MAST4: variants seen among roughly 807,000 people sequenced by gnomAD.
MAST4 encodes microtubule-associated serine/threonine-protein kinase 4.
In MAST4, 89 loss-of-function variants were observed where a neutral mutation model predicts 162.7. The ratio of observed to expected loss-of-function variants is 0.55; its 90% CI spans 0.46 to 0.65. MAST4 has a LOEUF of 0.65. Ranked by LOEUF, MAST4 falls within the 30% of genes least tolerant of loss-of-function variation. MAST4 has a pLI of 0.00. For missense variants in MAST4, 3,153 were observed against 3,374.0 expected (o/e 0.93, Z 1.62); for synonymous variants, 1,479 against 1,361.1 (o/e 1.09, Z -1.91).
At chr5:66,603,378 C>G (rs1742674367) in intron 1 of MAST4, among the ~76,000 whole-genome samples, 1 of 152,068 alleles carries the variant, frequency 6.6e-6, no homozygotes, top group Non-Finnish European at 1.5e-5. Context: ...CTAGCTGCAC[C>G]CAGAGATTTA....
chr5:66,816,886 G>A (rs1756755295), intron 3 of MAST4, among the ~76,000 whole-genome samples: 1 of 152,106 alleles, frequency 6.6e-6, no homozygotes, highest in Admixed American at 6.6e-5. Context: ...GCCTGTTTGT[G>A]GCCTTAGTTT....
At chr5:67,080,290 A>G (rs1762448934) in intron 5 of MAST4, among the ~76,000 whole-genome samples, 1 of 152,142 alleles carries the variant, frequency 6.6e-6, no homozygotes, top group African/African-American at 2.4e-5. Context: ...TTATGTACCT[A>G]CTTTTTCATT....
intron 1 of MAST4, among the ~76,000 whole-genome samples, chr5:66,751,690 G>A (rs933865193): frequency 5.3e-5 from 8 of 150,252 alleles, no homozygotes; most frequent in Non-Finnish European, 8.9e-5. Context: ...AAAGTGATGC[G>A]GAGAATGGAA....
intron 4 of MAST4, among the ~76,000 whole-genome samples, chr5:66,950,232 CTTTTTTTTT>C (rs1744516423): frequency 1.2e-4 from 16 of 131,596 alleles, no homozygotes; most frequent in African/African-American, 5.8e-4. Flanking sequence ...CTTTTTTTTT[CTTTTTTTTT>C]CTTTTTTTTC....
At chr5:67,058,506 A>C (rs977759845) in intron 5 of MAST4, among the ~76,000 whole-genome samples, 1 of 152,248 alleles carries the variant, frequency 6.6e-6, no homozygotes, top group African/African-American at 2.4e-5. Context: ...GAAAGGTACC[A>C]GTTTTTTATT....
intron 2 of MAST4, among the ~76,000 whole-genome samples, chr5:66,760,838 C>T (rs932827530): frequency 2.0e-5 from 3 of 148,962 alleles, no homozygotes; most frequent in African/African-American, 7.5e-5. Flanking sequence ...ATGTTCCCAA[C>T]ACAAAGAAAT....
intron 2 of MAST4, among the ~76,000 whole-genome samples, chr5:66,767,999 T>A (rs1043865002): frequency 2.0e-5 from 3 of 152,046 alleles, no homozygotes; most frequent in African/African-American, 7.2e-5. Flanking sequence ...TTCAATCCAG[T>A]CAAGTTGACA....
intron 1 of MAST4, among the ~76,000 whole-genome samples, chr5:66,739,607 G>T (rs1169692025): frequency 6.6e-6 from 1 of 152,132 alleles, no homozygotes; most frequent in East Asian, 1.9e-4. Flanking sequence ...ATCTAATAAT[G>T]TCAAGTATAA....
chr5:66,917,110 C>T, intron 4 of MAST4: 1 of 707,526 alleles, frequency 1.4e-6, no homozygotes, highest in South Asian at 1.5e-5. Flanking sequence ...TCTACATTCT[C>T]ACCAGCACTG....
intron 1 of MAST4, among the ~76,000 whole-genome samples, chr5:66,694,073 C>T (rs574028115): frequency 5.9e-5 from 9 of 152,158 alleles, no homozygotes; most frequent in African/African-American, 1.2e-4. Flanking sequence ...TTCAAATTCA[C>T]GGTGGCTGAG....
intron 4 of MAST4, among the ~76,000 whole-genome samples, chr5:66,982,027 G>A (rs1658479682): frequency 6.6e-6 from 1 of 152,174 alleles, no homozygotes; most frequent in South Asian, 2.1e-4. Flanking sequence ...GTGGGAATAG[G>A]TAGAATAGGT....
chr5:67,159,453 C>G (rs1418174564), intron 26 of MAST4, among the ~76,000 whole-genome samples: 1 of 152,204 alleles, frequency 6.6e-6, no homozygotes, highest in Non-Finnish European at 1.5e-5. Context: ...TTTCAGTCCT[C>G]TGCTGCCACC....
intron 1 of MAST4, among the ~76,000 whole-genome samples, chr5:66,624,786 G>C (rs1018534373): frequency 6.6e-6 from 1 of 152,152 alleles, no homozygotes; most frequent in Non-Finnish European, 1.5e-5. Context: ...AGTGTGTAAC[G>C]GGGAAAGGAT....
chr5:66,745,714 G>A (rs1752715647), intron 1 of MAST4, among the ~76,000 whole-genome samples: 1 of 152,148 alleles, frequency 6.6e-6, no homozygotes, highest in Non-Finnish European at 1.5e-5. Context: ...ACTCTGTCCC[G>A]ACTTTTGCCA....
chr5:66,892,504 C>T (rs1004837029), intron 3 of MAST4, among the ~76,000 whole-genome samples: 2 of 152,156 alleles, frequency 1.3e-5, no homozygotes, highest in Non-Finnish European at 2.9e-5. Flanking sequence ...TGTGCCCTTG[C>T]CTTTGCCCTT....
chr5:66,970,614 T>C (rs1440192816), intron 4 of MAST4, among the ~76,000 whole-genome samples: 1 of 152,218 alleles, frequency 6.6e-6, no homozygotes, highest in Non-Finnish European at 1.5e-5. Context: ...TTTTTATCTA[T>C]GCACTCACCT....
At chr5:66,787,507 G>A (rs1755171724) in intron 2 of MAST4, among the ~76,000 whole-genome samples, 1 of 152,250 alleles carries the variant, frequency 6.6e-6, no homozygotes, top group African/African-American at 2.4e-5. Flanking sequence ...TGCTTTGACA[G>A]TGCTGGTAGT....
intron 4 of MAST4, among the ~76,000 whole-genome samples, chr5:67,030,087 T>G (rs1382334943): frequency 6.6e-6 from 1 of 152,106 alleles, no homozygotes; most frequent in Non-Finnish European, 1.5e-5. Context: ...TATATATATT[T>G]AGGAGCATCT....
chr5:66,935,957 C>G (rs1029587785), intron 4 of MAST4, among the ~76,000 whole-genome samples: 2 of 152,102 alleles, frequency 1.3e-5, no homozygotes, highest in African/African-American at 4.8e-5. Context: ...CATGAGCCAT[C>G]GCACTCGGCG....
Sources: allele counts gnomAD v4.1 joint callset (sites outside exome capture counted in the v4.1 genomes callset), GRCh38; gene constraint gnomAD v4.1.1; transcripts MANE v1.5; gene names NCBI Gene and HGNC (gene_info 2026-07-23, HGNC 2026-07-21).